ENPP6: variants seen among roughly 807,000 people sequenced by gnomAD.
ENPP6 encodes the protein ectonucleotide pyrophosphatase/phosphodiesterase 6.
Under a neutral mutation model 42.0 loss-of-function variants are expected in ENPP6, and 32 were observed. The ratio of observed to expected loss-of-function variants is 0.76; its 90% CI spans 0.58 to 1.02. The LOEUF (loss-of-function observed/expected upper bound fraction) is 1.02, where lower values mean the gene tolerates loss of function less well. ENPP6 is among the 50% of genes least tolerant of loss of function. The probability of loss-of-function intolerance (pLI) is 0.00; values close to 1 mark genes in which losing one functional copy is unlikely to be tolerated. For missense variants in ENPP6, 552 were observed against 566.8 expected (o/e 0.97, Z 0.27); for synonymous variants, 213 against 216.0 (o/e 0.99, Z 0.12).
chr4:184,136,647 T>A, intron 2 of ENPP6, among the ~76,000 whole-genome samples: 1 of 152,260 alleles, frequency 6.6e-6, no homozygotes, highest in Non-Finnish European at 1.5e-5. Context: ...TTTTCTCATA[T>A]CATTTTGAGG....
chr4:184,189,390 G>C (rs1276685884), intron 1 of ENPP6, among the ~76,000 whole-genome samples: 1 of 152,158 alleles, frequency 6.6e-6, no homozygotes, highest in African/African-American at 2.4e-5. Context: ...CCTCAAATCA[G>C]GCCACTTTCC....
At chr4:184,160,183 G>A (rs995674877) in intron 1 of ENPP6, among the ~76,000 whole-genome samples, 29 of 152,122 alleles carry the variant, frequency 1.9e-4, no homozygotes, top group African/African-American at 4.6e-4. Context: ...TGGTATTACT[G>A]GATCAAATGG....
At chr4:184,153,844 C>A in intron 1 of ENPP6, 111 bp from the exon 2 acceptor site, 1 of 1,214,816 alleles carries the variant, frequency 8.2e-7, no homozygotes, top group Non-Finnish European at 1.1e-6. Context: ...TACAGAACAG[C>A]ATAAAGATTT....
At chr4:184,094,662 G>A (rs777144326) in intron 7 of ENPP6, among the ~76,000 whole-genome samples, 6 of 152,260 alleles carry the variant, frequency 3.9e-5, no homozygotes, top group Admixed American at 1.3e-4. Flanking sequence ...TTTTGGATAT[G>A]AGAGGTGTGT....
At chr4:184,158,610 G>C (rs994675246) in intron 1 of ENPP6, among the ~76,000 whole-genome samples, 4 of 152,186 alleles carry the variant, frequency 2.6e-5, no homozygotes, top group African/African-American at 9.7e-5. Flanking sequence ...AGAATGCTTT[G>C]AATAGTGCTT....
intron 1 of ENPP6, among the ~76,000 whole-genome samples, chr4:184,165,419 C>T (rs1014777197): frequency 6.6e-6 from 1 of 152,134 alleles, no homozygotes; most frequent in Admixed American, 6.5e-5. Flanking sequence ...ACTCAGCGTC[C>T]GCCCTCCCCC....
intron 3 of ENPP6, among the ~76,000 whole-genome samples, chr4:184,122,681 G>A (rs1341961055): frequency 6.6e-6 from 1 of 152,194 alleles, no homozygotes; most frequent in African/African-American, 2.4e-5. Context: ...GTGGTACAGA[G>A]TGACAATCCA....
chr4:184,208,618 A>G (rs1233383506), intron 1 of ENPP6, among the ~76,000 whole-genome samples: 1 of 150,672 alleles, frequency 6.6e-6, no homozygotes, highest in African/African-American at 2.4e-5. Context: ...GATTGCTAGC[A>G]CAGCGGTCTG....
intron 1 of ENPP6, among the ~76,000 whole-genome samples, chr4:184,176,393 G>C (rs1737561781): frequency 6.6e-6 from 1 of 152,204 alleles, no homozygotes; most frequent in African/African-American, 2.4e-5. Flanking sequence ...TCTTAAATAG[G>C]AAAGCAGATG....
intron 2 of ENPP6, among the ~76,000 whole-genome samples, chr4:184,134,711 A>T: frequency 6.6e-6 from 1 of 150,394 alleles, no homozygotes; most frequent in African/African-American, 2.5e-5. Context: ...TCTTTGTTGT[A>T]TGTTTATTTT....
At chr4:184,092,490 G>A (rs1281461694) in intron 7 of ENPP6, among the ~76,000 whole-genome samples, 1 of 152,208 alleles carries the variant, frequency 6.6e-6, no homozygotes, top group Admixed American at 6.5e-5. Context: ...GCCACACGCA[G>A]CACGGTGAGT....
At chr4:184,183,682 T>C (rs895280684) in intron 1 of ENPP6, among the ~76,000 whole-genome samples, 1 of 152,228 alleles carries the variant, frequency 6.6e-6, no homozygotes, top group African/African-American at 2.4e-5. Context: ...TTCAATCATA[T>C]ATGAACTAAA....
intron 6 of ENPP6, among the ~76,000 whole-genome samples, chr4:184,111,480 T>TCAC (rs1736195144): frequency 6.6e-6 from 1 of 152,154 alleles, no homozygotes; most frequent in African/African-American, 2.4e-5. Context: ...CAACCTAACC[T>TCAC]CACTCCAGGT....
intron 2 of ENPP6, among the ~76,000 whole-genome samples, chr4:184,140,016 C>T (rs1472837487): frequency 5.6e-5 from 8 of 143,884 alleles, no homozygotes; most frequent in African/African-American, 2.1e-4. Context: ...CTCTCCAGCA[C>T]CTGTTGTTTC....
chr4:184,129,291 TACACAC>T (rs60982411), intron 2 of ENPP6, among the ~76,000 whole-genome samples: 18,352 of 145,258 alleles, frequency 0.13, 1,345 homozygotes, highest in East Asian at 0.27. Context: ...CCCCCCAACA[TACACAC>T]ACACACACAC....
chr4:184,106,981 G>A (rs564257058), intron 6 of ENPP6, among the ~76,000 whole-genome samples: 2 of 152,234 alleles, frequency 1.3e-5, no homozygotes, highest in East Asian at 1.9e-4. Flanking sequence ...ATTTTGCTGT[G>A]TTGTGCCTGA....
chr4:184,147,079 T>C (rs1579634824), intron 2 of ENPP6, among the ~76,000 whole-genome samples: 1 of 152,276 alleles, frequency 6.6e-6, no homozygotes, highest in African/African-American at 2.4e-5. Flanking sequence ...CAACTCCGAA[T>C]TGATGTCCCT....
Position 184,091,306 on chromosome 4 carries a change from G to A in ENPP6, c.1194C>T (p.Ile398=), listed in dbSNP as rs1220914006. The A allele has an allele frequency of 3.7e-6, 6 of 1,614,020 alleles. No individual in the cohort carries two copies. In the East Asian group the frequency reaches 8.9e-5, roughly 24 times the overall value. ...AGGATCCGTTGTTGGGCAGCGGGGT[G>A]ATGCCCACCACATTGCACATGACAT... is the stretch of plus-strand genomic sequence containing the variant. ...VYNVMCNVVG[I]TPLPNNGSWS... is the part of the protein sequence containing the mutation. Residue 398 remains isoleucine (I), a synonymous_variant, in exon 8 of 8, where the codon ATC becomes ATT. Transcript: ENST00000296741.
Position 184,131,479 on chromosome 4 carries a change from G to C in ENPP6, c.422-7207C>G, listed in dbSNP as rs188806175. ...GCGATTCTCCTGCCTTAGCCTCCCC[G>C]AGTAGCTGGGACTACAGGCACCCAT... On this transcript the variant is annotated intron_variant, in intron 2 of 7. Coordinates refer to ENST00000296741, the MANE Select transcript of ENPP6 (RefSeq NM_153343.4). Among the ~76,000 whole-genome samples the C allele has an allele frequency of 6.0e-4, 90 of 149,982 alleles. 1 individual carries two copies. The highest frequency in any genetic ancestry group is 2.1e-3 in the African/African-American group (86 of 40,570).
Sources: gnomAD v4.1 joint callset for allele counts (sites outside exome capture counted in the v4.1 genomes callset) on GRCh38, gnomAD v4.1.1 for gene constraint, MANE v1.5 for transcripts, NCBI Gene and HGNC (gene_info 2026-07-23, HGNC 2026-07-21) for gene names.